The following CAST variants were observed in gnomAD, a reference collection of about 807,000 sequenced individuals.
CAST encodes calpastatin, also known as MIR583 host.
A neutral mutation model predicts 119.6 loss-of-function variants in CAST; 76 were observed. That is an observed-to-expected ratio of 0.64 (90% CI 0.53 to 0.77). The LOEUF (loss-of-function observed/expected upper bound fraction) is 0.77. Among genes scored for constraint, CAST ranks in the 30% least tolerant of loss-of-function variants. The probability of loss-of-function intolerance (pLI) is 0.00; values close to 1 mark genes in which losing one functional copy is unlikely to be tolerated. For missense variants in CAST, 953 were observed against 946.5 expected, an observed-to-expected ratio of 1.01 and a Z score of -0.09; for synonymous variants, 319 against 331.6, an observed-to-expected ratio of 0.96 and a Z score of 0.41.
intron 1 of CAST, among the ~76,000 whole-genome samples, chr5:96,598,159 C>T (rs1179216524): frequency 1.3e-5 from 2 of 152,176 alleles, no homozygotes; most frequent in Admixed American, 6.5e-5. Flanking sequence ...AATGGTAGTG[C>T]TTCTCTATAA....
chr5:96,744,549 A>C (rs886696836), intron 16 of CAST, among the ~76,000 whole-genome samples: 1 of 152,226 alleles, frequency 6.6e-6, no homozygotes, highest in African/African-American at 2.4e-5. Context: ...GCTACAATTC[A>C]AGATGAGATT....
At chr5:96,178,243 G>A in the CAST span, among the ~76,000 whole-genome samples, 1 of 152,124 alleles carries the variant, frequency 6.6e-6, no homozygotes, top group African/African-American at 2.4e-5. Context: ...AGGGGAATCT[G>A]CATGATTTAA....
rs556133879 is a variant in CAST at position 96,602,648 on chromosome 5, G to A, written c.60+72768G>A. ...GCCTGTAATCCCAGCTACTCAGGAGGCTGAGGCAGGAGAATCGCTTGAACC... is the reference window on the plus strand; with the variant it reads ...GCCTGTAATCCCAGCTACTCAGGAGACTGAGGCAGGAGAATCGCTTGAACC... On this transcript the variant is annotated intron_variant, in intron 1 of 11. Transcript: ENST00000505143. 6.6e-5 allele frequency among the ~76,000 whole-genome samples: 10 copies of A among 152,292 alleles called. No homozygotes were observed. In the East Asian group the frequency reaches 1.4e-3, roughly 21 times the overall value.
At chr5:96,062,290 C>T in the CAST span, among the ~76,000 whole-genome samples, 3 of 152,044 alleles carry the variant, frequency 2.0e-5, no homozygotes, top group African/African-American at 7.2e-5. Flanking sequence ...GATAGAATGA[C>T]CTTGTGAAGA....
intron 1 of CAST, among the ~76,000 whole-genome samples, chr5:96,539,587 A>G (rs1329815413): frequency 1.3e-5 from 2 of 152,102 alleles, no homozygotes; most frequent in Non-Finnish European, 2.9e-5. Context: ...CATGTCATGT[A>G]TCCATCATAA....
chr5:96,402,827 G>A, the CAST span, among the ~76,000 whole-genome samples: 5 of 152,126 alleles, frequency 3.3e-5, no homozygotes, highest in Admixed American at 2.0e-4. Context: ...GTGACTGACA[G>A]AGAGGCCTTG....
the CAST span, among the ~76,000 whole-genome samples, chr5:96,319,361 T>C: frequency 2.0e-5 from 3 of 152,198 alleles, no homozygotes; most frequent in African/African-American, 7.2e-5. Context: ...ATCAGGTAAA[T>C]GCTATTATTC....
At chr5:96,451,804 AC>A in the CAST span, among the ~76,000 whole-genome samples, 1 of 152,218 alleles carries the variant, frequency 6.6e-6, no homozygotes, top group South Asian at 2.1e-4. Flanking sequence ...CAAGAAAAAA[AC>A]AACAACCCCA....
intron 1 of CAST, among the ~76,000 whole-genome samples, chr5:96,640,163 G>C (rs562596909): frequency 6.6e-6 from 1 of 152,166 alleles, no homozygotes; most frequent in Non-Finnish European, 1.5e-5. Flanking sequence ...TTAGTGGTAA[G>C]TTTTGTGCAT....
chr5:96,019,276 A>G, the CAST span, among the ~76,000 whole-genome samples: 2 of 152,208 alleles, frequency 1.3e-5, no homozygotes, highest in Non-Finnish European at 2.9e-5. Context: ...TTGAAGAAAT[A>G]TCATAGTTTC....
the CAST span, among the ~76,000 whole-genome samples, chr5:96,440,049 C>T: frequency 6.6e-6 from 1 of 152,018 alleles, no homozygotes; most frequent in African/African-American, 2.4e-5. Flanking sequence ...CAGGAAATAG[C>T]TAACAAAAAT....
At chr5:96,222,500 A>G in the CAST span, among the ~76,000 whole-genome samples, 7 of 152,218 alleles carry the variant, frequency 4.6e-5, no homozygotes, top group Admixed American at 2.6e-4. Context: ...GCCAACAGGT[A>G]TACGACAAAA....
chr5:96,003,990 T>C, the CAST span, among the ~76,000 whole-genome samples: 1 of 152,304 alleles, frequency 6.6e-6, no homozygotes, highest in African/African-American at 2.4e-5. Context: ...GCTTTTAAAA[T>C]AGAGTAAGAA....
In CAST at chr5:96,544,867, G is replaced by A. The variant is rs376599634; in HGVS notation, c.60+14987G>A. 1.9e-4 allele frequency among the ~76,000 whole-genome samples: 29 copies of A among 150,956 alleles called. No individual in the cohort carries two copies. The East Asian group carries it at 3.7e-3, about 19-fold the overall frequency. Reference sequence around the variant, plus strand: ...CAACTATATTTCCCACAAGAAACTTGCTTTAAATATAAAAACCCAGATAGA... The same window carrying A: ...CAACTATATTTCCCACAAGAAACTTACTTTAAATATAAAAACCCAGATAGA... On this transcript the variant is annotated intron_variant, in intron 1 of 11. Transcript: ENST00000505143.
chr5:96,068,593 ATGTGTGTGTGTGTGTG>A, the CAST span, among the ~76,000 whole-genome samples: 7 of 142,268 alleles, frequency 4.9e-5, no homozygotes, highest in South Asian at 1.6e-3. Flanking sequence ...CAATAGGATT[ATGTGTGTGTGTGTGTG>A]TGTGTGTGTG....
intron 9 of CAST, 84 bp from the exon 10 acceptor site, chr5:96,736,088 A>G (rs1761577183): frequency 1.2e-6 from 1 of 808,518 alleles, no homozygotes; most frequent in Admixed American, 2.2e-5. Flanking sequence ...GCTTGTTAAT[A>G]TAATGAATTT....
intron 1 of CAST, among the ~76,000 whole-genome samples, chr5:96,614,220 T>G (rs565055035): frequency 6.6e-6 from 1 of 152,336 alleles, no homozygotes; most frequent in Non-Finnish European, 1.5e-5. Flanking sequence ...GCTCATCATT[T>G]TGTCTCAAAT....
At chr5:96,097,213 G>A in the CAST span, among the ~76,000 whole-genome samples, 1 of 152,118 alleles carries the variant, frequency 6.6e-6, no homozygotes, top group African/African-American at 2.4e-5. Context: ...TTGGAGCTTT[G>A]GAGGGCTCTG....
chr5:96,155,790 A>G, the CAST span, among the ~76,000 whole-genome samples: 1 of 151,952 alleles, frequency 6.6e-6, no homozygotes, highest in Non-Finnish European at 1.5e-5. Flanking sequence ...TTGTTATTCA[A>G]TCCTTGCTCC....
Sources: gnomAD v4.1 joint callset for allele counts (sites outside exome capture counted in the v4.1 genomes callset) on GRCh38, gnomAD v4.1.1 for gene constraint, MANE v1.5 for transcripts, NCBI Gene and HGNC (gene_info 2026-07-23, HGNC 2026-07-21) for gene names.